The following EPHA5 variants were observed in gnomAD, a reference collection of about 807,000 sequenced individuals.
EPHA5 encodes the protein EPH receptor A5.
Under a neutral mutation model 105.0 loss-of-function variants are expected in EPHA5, and 60 were observed. The ratio of observed to expected loss-of-function variants is 0.57; its 90% CI spans 0.46 to 0.71. EPHA5 has a LOEUF of 0.71. Ranked by LOEUF, EPHA5 falls within the 30% of genes least tolerant of loss-of-function variation. The pLI is 0.00. For synonymous variants in EPHA5, 513 were observed against 449.1 expected (o/e 1.14, Z -1.80); for missense variants, 1,218 against 1,274.7 (o/e 0.96, Z 0.68).
At chr4:65,641,821 C>G (rs1156441833) in intron 2 of EPHA5, among the ~76,000 whole-genome samples, 1 of 151,792 alleles carries the variant, frequency 6.6e-6, no homozygotes, top group African/African-American at 2.4e-5. Flanking sequence ...AACAAATACA[C>G]CACTATATTA....
At chr4:65,418,558 T>C (rs1723613413) in intron 6 of EPHA5, among the ~76,000 whole-genome samples, 1 of 152,212 alleles carries the variant, frequency 6.6e-6, no homozygotes, top group South Asian at 2.1e-4. Context: ...GAAGTATGTG[T>C]CATCATTTAT....
chr4:65,501,316 T>C (rs1339341658), intron 3 of EPHA5, among the ~76,000 whole-genome samples: 5 of 151,636 alleles, frequency 3.3e-5, no homozygotes, highest in Admixed American at 6.6e-5. Flanking sequence ...GAAGTCAAAC[T>C]ACTTCTCTTC....
chr4:65,599,348 A>ACAC (rs71205393), intron 3 of EPHA5, among the ~76,000 whole-genome samples: 1 of 148,564 alleles, frequency 6.7e-6, no homozygotes, highest in African/African-American at 2.5e-5. Flanking sequence ...GGCATTTTAT[A>ACAC]ACACACACAC....
chr4:65,515,002 C>T (rs1733967694), intron 3 of EPHA5, among the ~76,000 whole-genome samples: 2 of 152,124 alleles, frequency 1.3e-5, no homozygotes, highest in South Asian at 2.1e-4. Flanking sequence ...CTGCAAACTC[C>T]ACAATCTCAA....
chr4:65,479,620 A>T (rs530480453), intron 5 of EPHA5, among the ~76,000 whole-genome samples: 46 of 152,298 alleles, frequency 3.0e-4, no homozygotes, highest in African/African-American at 1.1e-3. Context: ...AAATGACTGT[A>T]TCAGGGCTTT....
rs112354415 is a variant in EPHA5, at chr4:65,562,882, C to T, written c.910+38759G>A. On this transcript the variant is annotated intron_variant, in intron 3 of 16. Transcript: ENST00000613740. ...ATACATGGTAATTGGTAAACTGAGG[C>T]GGGAGGATTGCTAGAAACCAGGAGT... Among the ~76,000 whole-genome samples the T allele has an allele frequency of 2.9e-3, 445 of 151,852 alleles. 2 individuals carry two copies. The highest frequency in any genetic ancestry group is 9.9e-3 in the African/African-American group (410 of 41,438).
intron 3 of EPHA5, among the ~76,000 whole-genome samples, chr4:65,546,010 A>G (rs565918519): frequency 5.9e-5 from 9 of 151,966 alleles, no homozygotes; most frequent in Non-Finnish European, 1.3e-4. Context: ...CTCCATCACA[A>G]CTACTCGACT....
intron 2 of EPHA5, among the ~76,000 whole-genome samples, chr4:65,642,411 G>A (rs762081480): frequency 6.6e-6 from 1 of 151,846 alleles, no homozygotes; most frequent in African/African-American, 2.4e-5. Context: ...GCTCTACCTG[G>A]GTTATGCAAT....
At chr4:65,498,445 A>C (rs532354538) in intron 3 of EPHA5, among the ~76,000 whole-genome samples, 1 of 151,872 alleles carries the variant, frequency 6.6e-6, no homozygotes, top group Non-Finnish European at 1.5e-5. Flanking sequence ...TGTTTATGAG[A>C]TCATTACACA....
At position 65,344,966 on chromosome 4, in the gene EPHA5, C is replaced by G. The variant is rs966588823; in HGVS notation, c.2595+3088G>C. On this transcript the variant is annotated intron_variant, in intron 14 of 16. Transcript: ENST00000613740. Reference sequence around the variant, plus strand: ...CTTAGATACAAAAATTTTGGAGAACCAGATTGAAATTTCTGGTATCACTTT... The same window carrying G: ...CTTAGATACAAAAATTTTGGAGAACGAGATTGAAATTTCTGGTATCACTTT... Among the ~76,000 whole-genome samples, 4 of 152,146 alleles carry G rather than the reference C, an allele frequency of 2.6e-5. No homozygotes were observed. In the South Asian group the frequency reaches 6.2e-4, roughly 24 times the overall value.
chr4:65,412,451 C>G (rs944829831), intron 7 of EPHA5, among the ~76,000 whole-genome samples: 15 of 151,816 alleles, frequency 9.9e-5, no homozygotes, highest in African/African-American at 3.6e-4. Flanking sequence ...ACATAAAGAT[C>G]AAAAGGGAAT....
At chr4:65,448,212 G>GA (rs990862217) in intron 5 of EPHA5, among the ~76,000 whole-genome samples, 9 of 132,952 alleles carry the variant, frequency 6.8e-5, no homozygotes, top group Non-Finnish European at 9.8e-5. Context: ...CATGAGAAAT[G>GA]AAAAAAAAAT....
intron 8 of EPHA5, among the ~76,000 whole-genome samples, chr4:65,383,108 T>C (rs953695621): frequency 6.7e-6 from 1 of 149,782 alleles, no homozygotes; most frequent in African/African-American, 2.4e-5. Context: ...ATAAAAAGTA[T>C]TAAAAACATA....
At chr4:65,409,370 T>TAAATAAATAAATA (rs1473635126) in intron 7 of EPHA5, among the ~76,000 whole-genome samples, 2 of 149,712 alleles carry the variant, frequency 1.3e-5, no homozygotes, top group African/African-American at 2.4e-5. Context: ...AATAAATAAA[T>TAAATAAATAAATA]AAAAGAGCTT....
intron 5 of EPHA5, among the ~76,000 whole-genome samples, chr4:65,456,873 A>G (rs548094295): frequency 1.3e-5 from 2 of 152,136 alleles, no homozygotes; most frequent in Non-Finnish European, 2.9e-5. Flanking sequence ...TCATCCTTTC[A>G]TTCCTTTCTA....
intron 9 of EPHA5, among the ~76,000 whole-genome samples, chr4:65,366,871 T>TC (rs1717958185): frequency 6.6e-6 from 1 of 151,942 alleles, no homozygotes; most frequent in Non-Finnish European, 1.5e-5. Context: ...AACATGATTT[T>TC]CTGCATTATT....
intron 8 of EPHA5, among the ~76,000 whole-genome samples, chr4:65,376,632 T>A (rs920963066): frequency 6.6e-6 from 1 of 151,924 alleles, no homozygotes; most frequent in African/African-American, 2.4e-5. Context: ...ACAGAAAAGG[T>A]GATTTTGCCT....
At chr4:65,409,296 A>T (rs10019278) in intron 7 of EPHA5, among the ~76,000 whole-genome samples, 120,716 of 124,966 alleles carry the variant, frequency 0.97, 58,552 homozygotes, top group East Asian at 1. Flanking sequence ...CATATGTAAC[A>T]AACCTGCACA....
chr4:65,568,330 C>G (rs2149369946), intron 3 of EPHA5, among the ~76,000 whole-genome samples: 1 of 151,480 alleles, frequency 6.6e-6, no homozygotes, highest in Admixed American at 6.6e-5. Flanking sequence ...TAACACAATT[C>G]TATCTCTCAA....
Sources: gnomAD v4.1 joint callset for allele counts (sites outside exome capture counted in the v4.1 genomes callset) on GRCh38, gnomAD v4.1.1 for gene constraint, MANE v1.5 for transcripts, NCBI Gene and HGNC (gene_info 2026-07-23, HGNC 2026-07-21) for gene names.